Variants in EIF4E3 observed in about 807,000 individuals in gnomAD.
EIF4E3 encodes eukaryotic translation initiation factor 4E family member 3.
EIF4E3 carries 26 observed loss-of-function variants against 31.7 expected under a neutral mutation model. That is an observed-to-expected ratio of 0.82 (90% CI 0.60 to 1.14). The LOEUF (loss-of-function observed/expected upper bound fraction) is 1.14, where lower values mean the gene tolerates loss of function less well. Ranked by LOEUF, EIF4E3 falls within the 50% of genes most tolerant of loss-of-function variation. The pLI is 0.00. For synonymous variants in EIF4E3, 128 were observed against 107.7 expected (o/e 1.19, Z -1.17); for missense variants, 304 against 270.9 (o/e 1.12, Z -0.86).
intron 2 of EIF4E3, among the ~76,000 whole-genome samples, chr3:71,708,643 T>C (rs988304221): frequency 6.6e-5 from 10 of 152,000 alleles, no homozygotes; most frequent in Admixed American, 2.6e-4. Flanking sequence ...CCAGAACCCC[T>C]TGCATAACCC....
At chr3:71,673,845 C>A (rs1193310304), downstream of EIF4E3, among the ~76,000 whole-genome samples, 14 of 150,326 alleles carry the variant, frequency 9.3e-5, no homozygotes, top group East Asian at 2.7e-3. Context: ...GTCTATATCT[C>A]AGCAATACTA....
chr3:71,711,136 T>C (rs1480651583), intron 1 of EIF4E3, among the ~76,000 whole-genome samples: 1 of 152,214 alleles, frequency 6.6e-6, no homozygotes, highest in African/African-American at 2.4e-5. Flanking sequence ...TACTACAGGT[T>C]TAGTCACCAG....
chr3:71,744,373 T>A (rs186481024), intron 1 of EIF4E3, among the ~76,000 whole-genome samples: 39 of 152,312 alleles, frequency 2.6e-4, no homozygotes, highest in African/African-American at 8.4e-4. Flanking sequence ...GCCAACCCAG[T>A]AGAATTTTAT....
At chr3:71,675,318 C>T (rs2048867402), downstream of EIF4E3, 1 of 152,232 alleles carries the variant, frequency 6.6e-6, no homozygotes, top group Non-Finnish European at 1.5e-5. Context: ...CCATCCACAC[C>T]AGCAAATGTG....
At chr3:71,671,418 A>T (rs2048847418), downstream of EIF4E3, among the ~76,000 whole-genome samples, 1 of 151,940 alleles carries the variant, frequency 6.6e-6, no homozygotes, top group Non-Finnish European at 1.5e-5. Flanking sequence ...CAGCATCCGG[A>T]GCCGCTCGCA....
chr3:71,706,633 A>C lies in EIF4E3; in HGVS notation c.249+3779T>G, dbSNP rs536364829. ...GAAATTCGAGACTAGCCTGAGCAAC[A>C]TAGCAAGACCCCATCTCTACAAAAA... On this transcript the variant is annotated intron_variant, in intron 2 of 6. Coordinates refer to ENST00000425534, the MANE Select transcript of EIF4E3 (RefSeq NM_001134651.2). Among the ~76,000 whole-genome samples, 17 of 152,296 alleles carry C rather than the reference A, an allele frequency of 1.1e-4. No homozygotes were observed. The East Asian group carries it at 1.9e-3, about 17-fold the overall frequency.
chr3:71,662,357 A>C, the EIF4E3 span, among the ~76,000 whole-genome samples: 1 of 152,372 alleles, frequency 6.6e-6, no homozygotes, highest in African/African-American at 2.4e-5. Context: ...CTCATCTGCA[A>C]ACCAGAGGTA....
intron 2 of EIF4E3, among the ~76,000 whole-genome samples, chr3:71,700,993 TG>T (rs1480089673): frequency 1.3e-5 from 2 of 152,042 alleles, no homozygotes; most frequent in African/African-American, 4.8e-5. Context: ...CCCTCTGGCA[TG>T]TGAAGATACA....
chr3:71,709,227 T>G (rs2049339283), intron 2 of EIF4E3, among the ~76,000 whole-genome samples: 1 of 152,188 alleles, frequency 6.6e-6, no homozygotes, highest in Non-Finnish European at 1.5e-5. Flanking sequence ...AATCTCTCCC[T>G]TCTAGAAAAT....
chr3:71,697,774 A>G (rs1001111007), intron 3 of EIF4E3, among the ~76,000 whole-genome samples: 1 of 152,186 alleles, frequency 6.6e-6, no homozygotes. Flanking sequence ...ATACTATTCC[A>G]TGGTGTACAT....
At chr3:71,675,112 GA>G (rs1234396361), downstream of EIF4E3, among the ~76,000 whole-genome samples, 2 of 152,200 alleles carry the variant, frequency 1.3e-5, no homozygotes, top group African/African-American at 4.8e-5. Context: ...TTCTGGTCAA[GA>G]AACCAAATTC....
At chr3:71,746,153 C>T (rs1248709057) in intron 1 of EIF4E3, among the ~76,000 whole-genome samples, 1 of 152,114 alleles carries the variant, frequency 6.6e-6, no homozygotes, top group Non-Finnish European at 1.5e-5. Flanking sequence ...GGCTTTTGGT[C>T]CAGACAGACT....
chr3:71,690,290 T>C (rs2049047865), intron 5 of EIF4E3, 125 bp from the exon 6 acceptor site: 2 of 1,098,284 alleles, frequency 1.8e-6, no homozygotes, highest in Non-Finnish European at 1.2e-6. Context: ...TGGCACAAGA[T>C]AACTTGTAAG....
chr3:71,751,271 TG>T (rs1364496166), intron 1 of EIF4E3, among the ~76,000 whole-genome samples: 3 of 152,028 alleles, frequency 2.0e-5, no homozygotes, highest in African/African-American at 7.2e-5. Flanking sequence ...TACACTTACT[TG>T]AAAGTAAGTG....
the EIF4E3 span, among the ~76,000 whole-genome samples, chr3:71,663,139 G>A: frequency 2.0e-5 from 3 of 152,260 alleles, no homozygotes; most frequent in Admixed American, 2.0e-4. Context: ...GAGAAGAACA[G>A]GTGGCCTCCT....
rs1011079457 is a variant in EIF4E3, at chr3:71,681,947, A to G, written c.*2735T>C. ...ACCACGAATCTAACAGCAATATTAT[A>G]TTAAATGTACATGTTTGCAGTAAAT... On this transcript the variant is annotated 3_prime_UTR_variant, in exon 7 of 7. Coordinates refer to ENST00000425534, the MANE Select transcript of EIF4E3 (RefSeq NM_001134651.2). 2.0e-5 allele frequency: 3 copies of G among 152,200 alleles called. No individual in the cohort carries two copies. Among genetic ancestry groups the G allele is most frequent in the Non-Finnish European group, 4.4e-5 (3 of 68,038 alleles). 9.4% of individuals were successfully genotyped at this position (152,200 alleles called of 1,614,324 possible).
chr3:71,725,520 A>C, upstream of EIF4E3: 3 of 285,148 alleles, frequency 1.1e-5, no homozygotes, highest in African/African-American at 2.6e-5. The surrounding 1 kb of genome is among the most constrained non-coding windows in gnomAD (Gnocchi z 6.1). Context: ...CGCCGCCTTC[A>C]GGGCCTGGGA....
In EIF4E3 at chr3:71,719,054, C is replaced by T. The variant is rs533243535; in HGVS notation, c.176+6138G>A. Among the ~76,000 whole-genome samples, 8 of 152,306 alleles carry T rather than the reference C, an allele frequency of 5.3e-5. No individual in the cohort carries two copies. In the South Asian group the frequency reaches 1.7e-3, roughly 32 times the overall value. ...CTTTTGTCAAGCTCAGCCCTACCTTCCCATATCAGATTTGTTATTATGGAA... is the reference window on the plus strand; with the variant it reads ...CTTTTGTCAAGCTCAGCCCTACCTTTCCATATCAGATTTGTTATTATGGAA... On this transcript the variant is annotated intron_variant, in intron 1 of 6. Transcript: ENST00000425534.
intron 1 of EIF4E3, among the ~76,000 whole-genome samples, chr3:71,743,503 A>ACC (rs2049841435): frequency 6.6e-6 from 1 of 152,158 alleles, no homozygotes; most frequent in African/African-American, 2.4e-5. Context: ...GAAGAGATAC[A>ACC]CCTTTTTTGT....
Sources: allele counts gnomAD v4.1 joint callset (sites outside exome capture counted in the v4.1 genomes callset), GRCh38; gene constraint gnomAD v4.1.1; non-coding constraint Gnocchi (gnomAD v3.1); transcripts MANE v1.5; gene names NCBI Gene and HGNC (gene_info 2026-07-23, HGNC 2026-07-21).